Variants in FRS3 observed in about 807,000 individuals in gnomAD.
FRS3 encodes the protein FGFR substrate 3.
In FRS3, 17 loss-of-function variants were observed where a neutral mutation model predicts 41.9. That is an observed-to-expected ratio of 0.41 (90% CI 0.28 to 0.61). FRS3 has a LOEUF of 0.61. FRS3 is among the 20% of genes least tolerant of loss of function. FRS3 has a pLI of 0.36. For synonymous variants in FRS3, 287 were observed against 274.5 expected, an observed-to-expected ratio of 1.05 and a Z score of -0.45; for missense variants, 619 against 672.1, an observed-to-expected ratio of 0.92 and a Z score of 0.87.
intron 1 of FRS3, among the ~76,000 whole-genome samples, chr6:41,779,383 G>C (rs1772480422): frequency 6.6e-6 from 1 of 151,984 alleles, no homozygotes; most frequent in African/African-American, 2.4e-5. Flanking sequence ...GGGCATTTTG[G>C]ATAGTGCAAG....
chr6:41,772,743 G>GACGTGTGTGT, intron 5 of FRS3, 55 bp downstream of exon 5: 1 of 1,319,512 alleles, frequency 7.6e-7, no homozygotes. Flanking sequence ...GTGCTTCCTG[G>GACGTGTGTGT]GCGTGTGTGT....
chr6:41,779,636 A>C (rs367745805), intron 1 of FRS3, among the ~76,000 whole-genome samples, 180 bp downstream of exon 1: 2 of 151,834 alleles, frequency 1.3e-5, no homozygotes, highest in South Asian at 2.1e-4. Context: ...GCCCGTAAGG[A>C]ATGAGGAGGT....
chr6:41,773,697 C>A (rs1013692184), intron 4 of FRS3, among the ~76,000 whole-genome samples: 4 of 151,080 alleles, frequency 2.6e-5, no homozygotes, highest in Non-Finnish European at 5.9e-5. Flanking sequence ...ATGGTGAAAC[C>A]CTGTCTCTAC....
At position 41,778,183 on chromosome 6, in the gene FRS3, T is replaced by G. The variant is rs1407320682; in HGVS notation, c.-167-7A>C. ...GGATACACCTGGGGCTCACCTAGCATAGGAAACAGAGACACTGATTAACAA... is the reference window on the plus strand; with the variant it reads ...GGATACACCTGGGGCTCACCTAGCAGAGGAAACAGAGACACTGATTAACAA... On this transcript the variant is annotated splice_polypyrimidine_tract_variant and splice_region_variant and intron_variant, in intron 1 of 6. Coordinates refer to ENST00000373018, the MANE Select transcript of FRS3 (RefSeq NM_006653.5). The G allele has an allele frequency of 6.6e-6, 1 of 152,528 alleles. No individual in the cohort carries two copies. Among genetic ancestry groups the G allele is most frequent in the Non-Finnish European group, 1.5e-5 (1 of 68,030 alleles). The allele number at this position is 152,528 out of a possible 1,614,324, so 9.4% of individuals were successfully genotyped here.
rs1278569423 is a variant in FRS3 at position 41,775,466 on chromosome 6, G to C, written c.206C>G (p.Ser69Cys). 3.7e-6 allele frequency: 6 copies of C among 1,613,510 alleles called. No individual in the cohort carries two copies. Among genetic ancestry groups the C allele is most frequent in the Non-Finnish European group, 5.1e-6 (6 of 1,180,000 alleles). Reference protein sequence around the residue: ...YLCLRRYGYDSNLFSFESGRR... With the variant: ...YLCLRRYGYDCNLFSFESGRR... ...GCCACTCTCAAAGGAGAAGAGGTTG[G>C]AGTCGTAGCCATAGCGCCGCAAGCA... The change falls in exon 4 of 7, where the codon TCC becomes TGC. Residue 69 changes from serine to cysteine, a missense_variant. Ser to Cys is a moderately radical substitution (Grantham distance 112). Transcript: ENST00000373018.
At chr6:41,773,102 C>G in intron 4 of FRS3, 143 bp from the exon 5 acceptor site, 1 of 637,340 alleles carries the variant, frequency 1.6e-6, no homozygotes, top group Non-Finnish European at 2.7e-6. Flanking sequence ...CTTGAGCATT[C>G]TTTTTCTTTT....
At chr6:41,771,560 G>A (rs763892744) in intron 6 of FRS3, 27 bp from the exon 7 acceptor site, 6 of 1,491,590 alleles carry the variant, frequency 4.0e-6, no homozygotes, top group East Asian at 2.3e-5. Context: ...AGTGAGGCAG[G>A]AGTGTCCCAG....
chr6:41,770,732 C>T lies in FRS3; in HGVS notation c.1366G>A (p.Ala456Thr), dbSNP rs757127616. Residue 456 changes from alanine to threonine, a missense_variant, in exon 7 of 7, where the codon GCC (alanine) becomes ACC (threonine). Ala to Thr is a moderately conservative substitution (Grantham distance 58, BLOSUM62 0). Around this residue, in one of 3 missense-constraint regions of FRS3, gnomAD observed 32 missense variants for 55.6 expected, o/e 0.58. Transcript: ENST00000373018. ...THPARSSDSY[A>T]VIDLKKTVAM... ...ACGGTCTTTTTGAGGTCAATCACGG[C>T]GTAGGAGTCTGAGCTTCGGGCAGGG... 11 of 1,611,068 alleles carry T rather than the reference C, an allele frequency of 6.8e-6. No individual in the cohort carries two copies. The highest frequency in any genetic ancestry group is 8.5e-6 in the Non-Finnish European group (10 of 1,179,602).
rs761758699 is a variant in FRS3 at position 41,776,928 on chromosome 6, C to T, written c.60G>A (p.Lys20=). The change falls in exon 3 of 7, where the codon AAG becomes AAA. Residue 20 remains lysine, a synonymous_variant. Coordinates refer to ENST00000373018, the MANE Select transcript of FRS3 (RefSeq NM_006653.5). ...AGGAGAGGGCTCTGGGTACCTTGAA[C>T]TTGGTGGGGTGGTTGTCTGGAACGC... ...RDSVPDNHPT[K]FKVTNVDDEG... 16 of 1,613,890 alleles carry T rather than the reference C, an allele frequency of 9.9e-6. No homozygotes were observed. The highest frequency in any genetic ancestry group is 1.3e-5 in the Non-Finnish European group (15 of 1,179,766).
chr6:41,775,976 C>T (rs1314844282), intron 3 of FRS3, among the ~76,000 whole-genome samples: 1 of 152,230 alleles, frequency 6.6e-6, no homozygotes, highest in East Asian at 1.9e-4. Flanking sequence ...AATTCAAAAT[C>T]TTGAGACTGG....
intron 2 of FRS3, chr6:41,777,394 G>A (rs534850962): frequency 3.6e-5 from 6 of 168,272 alleles, no homozygotes; most frequent in South Asian, 3.0e-4. Flanking sequence ...GTGCCAGCCC[G>A]AGCCCCTTAT....
chr6:41,776,834 G>A (rs1264446651), intron 3 of FRS3, 88 bp downstream of exon 3: 2 of 1,067,916 alleles, frequency 1.9e-6, no homozygotes, highest in Non-Finnish European at 2.9e-6. Flanking sequence ...TTGATTTGCT[G>A]TTAGAGAAGC....
chr6:41,779,834 C>CGGCGCCGGGCCCCGCTCCCGGGT lies in FRS3; in HGVS notation c.-209_-187dup, dbSNP rs1353861903. 9.1e-4 allele frequency: 133 copies of CGGCGCCGGGCCCCGCTCCCGGGT among 146,582 alleles called. 1 individual carries two copies. Among genetic ancestry groups the CGGCGCCGGGCCCCGCTCCCGGGT allele is most frequent in the African/African-American group, 3.2e-3 (129 of 40,572 alleles). The allele number at this position is 146,582 out of a possible 1,614,324, so 9.1% of individuals were successfully genotyped here. A position where few individuals can be genotyped will look rare whatever the true frequency, so the allele number is the denominator to read the frequency against. On this transcript the variant is annotated 5_prime_UTR_variant, in exon 1 of 7. Transcript: ENST00000373018. Reference sequence around the variant, plus strand: ...GACTCACATCGCCCCGCGGCCCGGGCGGCGCCGGGCCCCGCTCCCGGGTCC... The same window carrying CGGCGCCGGGCCCCGCTCCCGGGT: ...GACTCACATCGCCCCGCGGCCCGGGCGGCGCCGGGCCCCGCTCCCGGGTGGCGCCGGGCCCCGCTCCCGGGTCC...
At position 41,770,822 on chromosome 6, in the gene FRS3, C is replaced by A. The variant is rs1772268063; in HGVS notation, c.1276G>T (p.Gly426Cys). ...NYIQVELKGW[G>C]GDRPKGPQNP... ...TGGGGCCCCTTAGGGCGGTCTCCAC[C>A]CCAGCCCTTTAGCTCCACCTGGATG... is the stretch of plus-strand genomic sequence containing the variant. The change falls in exon 7 of 7, where the codon GGT (glycine) becomes TGT (cysteine). Residue 426 changes from glycine to cysteine, a missense_variant. Coordinates refer to ENST00000373018, the MANE Select transcript of FRS3 (RefSeq NM_006653.5). 6.2e-7 allele frequency: 1 copy of A among 1,610,746 alleles called. No homozygotes were observed. Among genetic ancestry groups the A allele is most frequent in the Non-Finnish European group, 8.5e-7 (1 of 1,179,534 alleles).
Position 41,775,633 on chromosome 6 carries a change from T to C in FRS3, c.67-28A>G, listed in dbSNP as rs560965781. ...GGAGGGGAGAAGACAGAAGGGTCAA[T>C]GAGTGAGTCCAACAAGTGTTTGCAT... On this transcript the variant is annotated intron_variant, in intron 3 of 6. Transcript: ENST00000373018. 5.1e-6 allele frequency: 8 copies of C among 1,571,678 alleles called. No individual in the cohort carries two copies. The East Asian group carries it at 1.6e-4, about 31-fold the overall frequency.
At position 41,770,604 on chromosome 6, in the gene FRS3, A is replaced by G; in HGVS notation, c.*15T>C. The G allele has an allele frequency of 6.8e-6, 11 of 1,613,234 alleles. No homozygotes were observed. The highest frequency in any genetic ancestry group is 9.3e-6 in the Non-Finnish European group (11 of 1,179,150). ...GATCATGGTGGGGCAGAGGGTGGTG[A>G]GGACCGGGAAGTCCCTACAGAGGCA... On this transcript the variant is annotated 3_prime_UTR_variant, in exon 7 of 7. Transcript: ENST00000373018.
At chr6:41,774,092 G>T (rs1007661276) in intron 4 of FRS3, among the ~76,000 whole-genome samples, 2 of 151,966 alleles carry the variant, frequency 1.3e-5, no homozygotes, top group African/African-American at 4.8e-5. Context: ...TGGGACTACA[G>T]GTGCCCGCTA....
rs781206760 is a variant in FRS3, at chr6:41,772,766, GT to G, written c.415+31del. On this transcript the variant is annotated intron_variant, in intron 5 of 6. Coordinates refer to ENST00000373018, the MANE Select transcript of FRS3 (RefSeq NM_006653.5). ...TGGGCGTGTGTGTGTGTGTGTGTGT[GT>G]GTGTGTGTGTGTACACTGGGGTCTC... 7 of 1,564,274 alleles carry G rather than the reference GT, an allele frequency of 4.5e-6. No homozygotes were observed. In the Admixed American group the frequency reaches 1.2e-4, roughly 27 times the overall value.
At chr6:41,776,726 C>A in intron 3 of FRS3, 196 bp downstream of exon 3, 1 of 562,686 alleles carries the variant, frequency 1.8e-6, no homozygotes, top group East Asian at 2.8e-5. Context: ...GTATCAAGAG[C>A]CATGAAAACA....
Sources: allele counts gnomAD v4.1 joint callset (sites outside exome capture counted in the v4.1 genomes callset), GRCh38; gene constraint gnomAD v4.1.1; regional missense constraint gnomAD v4.1.1; transcripts MANE v1.5; gene names NCBI Gene and HGNC (gene_info 2026-07-23, HGNC 2026-07-21).